Variants in MYH10 observed in about 807,000 individuals in gnomAD.
The protein encoded by MYH10 is myosin-10.
MYH10 carries 55 observed loss-of-function variants against 257.8 expected under a neutral mutation model. The ratio of observed to expected loss-of-function variants is 0.21; its 90% CI spans 0.17 to 0.27. The LOEUF is 0.27. Among genes scored for constraint, MYH10 ranks in the 10% least tolerant of loss-of-function variants. The pLI is 1.00. For synonymous variants in MYH10, 854 were observed against 921.7 expected (o/e 0.93, Z 1.33); for missense variants, 1,631 against 2,500.6 (o/e 0.65, Z 7.42).
chr17:8,589,131 CA>C (rs759489797), intron 3 of MYH10, 23 bp from the exon 4 acceptor site: 36 of 1,602,852 alleles, frequency 2.2e-5, no homozygotes, highest in Admixed American at 1.4e-4. Flanking sequence ...ACAAAACAAA[CA>C]AAAAAAAGAA....
chr17:8,534,979 C>T (rs983910511), intron 16 of MYH10, among the ~76,000 whole-genome samples: 1 of 152,190 alleles, frequency 6.6e-6, no homozygotes, highest in Non-Finnish European at 1.5e-5. Flanking sequence ...CACTGGGTGT[C>T]GCGGCGGGTG....
At chr17:8,567,812 G>C (rs561552356) in intron 7 of MYH10, among the ~76,000 whole-genome samples, 1 of 152,154 alleles carries the variant, frequency 6.6e-6, no homozygotes, top group South Asian at 2.1e-4. Context: ...TAATTTTAGA[G>C]CACTGAGATA....
chr17:8,478,273 C>T (rs1392892679), intron 41 of MYH10, 65 bp downstream of exon 41: 3 of 1,370,882 alleles, frequency 2.2e-6, no homozygotes, highest in Non-Finnish European at 3.1e-6. Context: ...TCAGTTGTGC[C>T]ACCAGCTCAT....
At chr17:8,523,300 C>G (rs2081720266) in intron 17 of MYH10, among the ~76,000 whole-genome samples, 1 of 152,234 alleles carries the variant, frequency 6.6e-6, no homozygotes, top group African/African-American at 2.4e-5. Flanking sequence ...CTGCTCCCTG[C>G]ATGATGTCTG....
intron 26 of MYH10, 80 bp downstream of exon 26, chr17:8,508,474 A>G: frequency 6.4e-7 from 1 of 1,569,636 alleles, no homozygotes; most frequent in Non-Finnish European, 8.7e-7. Context: ...TATATTTTTT[A>G]TTTTTGCATG....
chr17:8,492,224 C>G lies in MYH10; in HGVS notation c.4671+73G>C. ...CTTCAGGCTCCCCTGAGGAGTCGCC[C>G]GCTCCTGTGTGAAGGCCCAGGCCCC... is the stretch of plus-strand genomic sequence containing the variant. On this transcript the variant is annotated intron_variant, in intron 34 of 42. Transcript: ENST00000360416. 4 of 1,455,848 alleles carry G rather than the reference C, an allele frequency of 2.7e-6. No homozygotes were observed. The South Asian group carries it at 3.6e-5, about 13-fold the overall frequency. The allele number at this position is 1,455,848 out of a possible 1,614,324, so 90.2% of individuals were successfully genotyped here. A position where few individuals can be genotyped will look rare whatever the true frequency, so the allele number is the denominator to read the frequency against.
At chr17:8,496,887 C>T (rs1185951235) in intron 30 of MYH10, among the ~76,000 whole-genome samples, 2 of 152,202 alleles carry the variant, frequency 1.3e-5, no homozygotes, top group East Asian at 1.9e-4. Flanking sequence ...TGAACACCTA[C>T]GTTTCTTCTG....
At chr17:8,534,306 A>G (rs1210013591) in intron 16 of MYH10, among the ~76,000 whole-genome samples, 1 of 152,210 alleles carries the variant, frequency 6.6e-6, no homozygotes, top group Non-Finnish European at 1.5e-5. Flanking sequence ...TCTTTCCCCC[A>G]GGTCCCTCCC....
intron 21 of MYH10, among the ~76,000 whole-genome samples, chr17:8,517,670 C>A (rs1370229697): frequency 6.6e-6 from 1 of 152,230 alleles, no homozygotes; most frequent in Non-Finnish European, 1.5e-5. Flanking sequence ...AGCTTCCCAA[C>A]TGGCCCTCCC....
Position 8,532,251 on chromosome 17 carries a change from G to C in MYH10, c.1895-1566C>G, listed in dbSNP as rs140620847. On this transcript the variant is annotated intron_variant, in intron 16 of 42. Transcript: ENST00000360416. ...GATATCCCTTGGCTTATTTTGACAA[G>C]AATGGCCAAATGCACTCCCAACGGC... is the stretch of plus-strand genomic sequence containing the variant. 4.2e-3 allele frequency among the ~76,000 whole-genome samples: 636 copies of C among 152,272 alleles called. 6 individuals carry two copies. Among genetic ancestry groups the C allele is most frequent in the Middle Eastern group, 0.027 (8 of 294 alleles).
At chr17:8,620,544 C>T (rs1175604777) in intron 2 of MYH10, among the ~76,000 whole-genome samples, 1 of 151,634 alleles carries the variant, frequency 6.6e-6, no homozygotes, top group Non-Finnish European at 1.5e-5. Context: ...TGTTAGCAAG[C>T]TAATTTGTTT....
chr17:8,537,047 A>G (rs1051186384), intron 14 of MYH10, among the ~76,000 whole-genome samples: 1 of 152,216 alleles, frequency 6.6e-6, no homozygotes, highest in African/African-American at 2.4e-5. Context: ...TCAATTTTTA[A>G]AAAGGCCTAG....
At position 8,589,067 on chromosome 17, in the gene MYH10, C is replaced by T. The variant is rs778432079; in HGVS notation, c.530+14G>A. The T allele has an allele frequency of 9.9e-6, 16 of 1,612,730 alleles. No individual in the cohort carries two copies. The highest frequency in any genetic ancestry group is 1.4e-5 in the Non-Finnish European group (16 of 1,179,292). Reference sequence around the variant, plus strand: ...AAAATCAAAAACAAATCTGAACATTCAACATTTACTTACGTGCAAAGAATT... The same window carrying T: ...AAAATCAAAAACAAATCTGAACATTTAACATTTACTTACGTGCAAAGAATT... On this transcript the variant is annotated intron_variant, in intron 4 of 42. Transcript: ENST00000360416.
At chr17:8,489,425 C>T (rs191027657) in intron 35 of MYH10, among the ~76,000 whole-genome samples, 165 of 152,192 alleles carry the variant, frequency 1.1e-3, no homozygotes, top group Non-Finnish European at 1.4e-3. Context: ...CAAATCTGGC[C>T]GGGCATGGTG....
At position 8,545,598 on chromosome 17, in the gene MYH10, T is replaced by C. The variant is rs1347251013; in HGVS notation, c.1281A>G (p.Ala427=). Reference sequence around the variant, plus strand: ...TTGCCAATGCTTCTACTGCAAAATCTGCCTGTAATTAAATCACAACAACCT... The same window carrying C: ...TTGCCAATGCTTCTACTGCAAAATCCGCCTGTAATTAAATCACAACAACCT... ...YVQKAQTKEQ[A]DFAVEALAKA... Residue 427 remains alanine, a splice_region_variant and synonymous_variant, in exon 13 of 43, where the codon GCA becomes GCG. Transcript: ENST00000360416. This position sits in a 1 kb window ranked among gnomAD's most constrained non-coding sequence, Gnocchi z 4.7. The C allele has an allele frequency of 1.2e-6, 2 of 1,607,596 alleles. No homozygotes were observed. Among genetic ancestry groups the C allele is most frequent in the Admixed American group, 3.5e-5 (2 of 57,522 alleles).
intron 1 of MYH10, among the ~76,000 whole-genome samples, chr17:8,627,132 G>A (rs938043621): frequency 1.4e-4 from 19 of 137,454 alleles, no homozygotes; most frequent in Non-Finnish European, 2.6e-4. Context: ...CTACATACAC[G>A]TGTGTATTTT....
chr17:8,557,880 A>G (rs2082860299), intron 7 of MYH10, among the ~76,000 whole-genome samples: 1 of 152,230 alleles, frequency 6.6e-6, no homozygotes, highest in African/African-American at 2.4e-5. Flanking sequence ...TTTCTTTAGA[A>G]GTTAGGATGG....
At chr17:8,528,304 A>G (rs901441602) in intron 17 of MYH10, among the ~76,000 whole-genome samples, 6 of 152,196 alleles carry the variant, frequency 3.9e-5, no homozygotes, top group Non-Finnish European at 5.9e-5. Context: ...CCTTTAGTCC[A>G]AAAGCCCTGC....
intron 7 of MYH10, among the ~76,000 whole-genome samples, chr17:8,567,372 A>T (rs1009060259): frequency 1.3e-5 from 2 of 152,200 alleles, no homozygotes; most frequent in African/African-American, 4.8e-5. Flanking sequence ...TTCAAATTTT[A>T]TCTTCCTGGG....
Sources: gnomAD v4.1 joint callset for allele counts (sites outside exome capture counted in the v4.1 genomes callset) on GRCh38, gnomAD v4.1.1 for gene constraint, Gnocchi (gnomAD v3.1) non-coding constraint, MANE v1.5 for transcripts, NCBI Gene and HGNC (gene_info 2026-07-23, HGNC 2026-07-21) for gene names.